MIER3: variants seen among roughly 807,000 people sequenced by gnomAD.
MIER3 encodes the protein mesoderm induction early response protein 3.
Under a neutral mutation model 63.2 loss-of-function variants are expected in MIER3, and 9 were observed. That is an observed-to-expected ratio of 0.14 (90% CI 0.09 to 0.25). The LOEUF (loss-of-function observed/expected upper bound fraction) is 0.25, where lower values mean the gene tolerates loss of function less well. Among genes scored for constraint, MIER3 ranks in the 10% least tolerant of loss-of-function variants. MIER3 has a pLI of 1.00. For missense variants in MIER3, 512 were observed against 666.2 expected (o/e 0.77, Z 2.55); for synonymous variants, 205 against 224.9 (o/e 0.91, Z 0.79).
At chr5:56,932,518 G>T (rs1750304138) in intron 8 of MIER3, among the ~76,000 whole-genome samples, 1 of 152,126 alleles carries the variant, frequency 6.6e-6, no homozygotes, top group Admixed American at 6.6e-5. Flanking sequence ...ATTCAAGTTT[G>T]TGTCTGCCTA....
chr5:56,944,828 G>A (rs923009479), intron 3 of MIER3, among the ~76,000 whole-genome samples: 3 of 151,950 alleles, frequency 2.0e-5, no homozygotes, highest in Non-Finnish European at 4.4e-5. Context: ...CCAAGTAGCT[G>A]GGGCTACTAG....
intron 3 of MIER3, among the ~76,000 whole-genome samples, chr5:56,942,646 T>C (rs1205933028): frequency 6.6e-6 from 1 of 151,964 alleles, no homozygotes; most frequent in African/African-American, 2.4e-5. Flanking sequence ...CCCTGGAGAA[T>C]GTTAATTAAA....
intron 10 of MIER3, among the ~76,000 whole-genome samples, chr5:56,926,891 A>C (rs1029065478): frequency 6.6e-6 from 1 of 152,192 alleles, no homozygotes; most frequent in Non-Finnish European, 1.5e-5. Flanking sequence ...GTGATAAAAA[A>C]AAGAATGAGC....
chr5:56,950,721 G>A, intron 1 of MIER3, 69 bp from the exon 2 acceptor site: 1 of 1,576,378 alleles, frequency 6.3e-7, no homozygotes, highest in Non-Finnish European at 8.7e-7. Context: ...CCGGCAACAG[G>A]GCGCAGAGGA....
At position 56,938,870 on chromosome 5, in the gene MIER3, TG is replaced by T. The variant is rs1283904408; in HGVS notation, c.315+12del. On this transcript the variant is annotated intron_variant, in intron 4 of 12. Coordinates refer to ENST00000381199, the MANE Select transcript of MIER3 (RefSeq NM_001297599.2). The stretch of plus-strand genomic sequence containing the variant: ...ACAGACCCTGAATTTTTCTTTCAAA[TG>T]CTCACACTTACTTTGTCTAGTGTCA... The T allele has an allele frequency of 6.2e-7, 1 of 1,607,902 alleles. No individual in the cohort carries two copies. Among genetic ancestry groups the T allele is most frequent in the Non-Finnish European group, 8.5e-7 (1 of 1,175,664 alleles).
chr5:56,923,391 C>G lies in MIER3; in HGVS notation c.1390G>C (p.Glu464Gln). Reference sequence around the variant, plus strand: ...CTGCACATGTTCATAGGGTTTAGCTCCGAGTGATAAAATCCAGTCTCAAAT... The same window carrying G: ...CTGCACATGTTCATAGGGTTTAGCTGCGAGTGATAAAATCCAGTCTCAAAT... ...NLFETGFYHSELNPMNMCSEE... is the reference protein window; with the variant it reads ...NLFETGFYHSQLNPMNMCSEE... The change falls in exon 13 of 13, where the codon GAG becomes CAG. Residue 464 changes from glutamate to glutamine, a missense_variant. Transcript: ENST00000381199. The G allele has an allele frequency of 6.2e-7, 1 of 1,614,158 alleles. No homozygotes were observed. The highest frequency in any genetic ancestry group is 8.5e-7 in the Non-Finnish European group (1 of 1,180,022).
In MIER3 at chr5:56,923,879, AAAGT is replaced by A. The variant is rs772542827; in HGVS notation, c.1052+32_1052+35del. 3.2e-5 allele frequency: 52 copies of A among 1,614,050 alleles called. 1 individual carries two copies. In the South Asian group the frequency reaches 5.5e-4, roughly 17 times the overall value. On this transcript the variant is annotated intron_variant, in intron 11 of 12. Coordinates refer to ENST00000381199, the MANE Select transcript of MIER3 (RefSeq NM_001297599.2). ...ATTTTATGACTATATATTACAGTTAAAAGTAAGTCTTTGAAGGCAAGGCCACAGT... is the reference window on the plus strand; with the variant it reads ...ATTTTATGACTATATATTACAGTTAAAAGTCTTTGAAGGCAAGGCCACAGT...
In MIER3 at chr5:56,938,968, G is replaced by A; in HGVS notation, c.230C>T (p.Pro77Leu). 6.2e-7 allele frequency: 1 copy of A among 1,614,114 alleles called. No homozygotes were observed. The highest frequency in any genetic ancestry group is 1.1e-5 in the South Asian group (1 of 91,082). ...EDLLAFYGYEPTIPAVANSSA... is the reference protein window; with the variant it reads ...EDLLAFYGYELTIPAVANSSA... ...GGAATTTGCAACTGCTGGAATTGTA[G>A]GTTCATAGCCATAGAATGCCAGTAA... The change falls in exon 4 of 13, where the codon CCT becomes CTT. Residue 77 changes from proline to leucine, a missense_variant. Physicochemically the swap from Pro to Leu is moderately conservative, Grantham distance 98. This residue lies in a region of MIER3 where 98 missense variants were observed against 107.4 expected (regional missense o/e 0.91). Transcript: ENST00000381199.
intron 10 of MIER3, among the ~76,000 whole-genome samples, chr5:56,927,506 A>G (rs561963824): frequency 1.2e-4 from 18 of 152,310 alleles, no homozygotes; most frequent in African/African-American, 3.6e-4. Context: ...GGAAATAAAC[A>G]GAGCATATTT....
chr5:56,941,516 A>C (rs1443336502), intron 3 of MIER3: 2 of 148,468 alleles, frequency 1.3e-5, no homozygotes, highest in African/African-American at 2.5e-5. Context: ...TATTCCAGGC[A>C]AAAAAAAAAG....
intron 1 of MIER3, among the ~76,000 whole-genome samples, chr5:56,951,804 G>A (rs1224490673): frequency 6.6e-6 from 1 of 151,688 alleles, no homozygotes. Context: ...TCGTCCCTGG[G>A]GCAGGGCTCA....
chr5:56,947,869 T>C (rs1287562455), intron 2 of MIER3, among the ~76,000 whole-genome samples: 2 of 152,174 alleles, frequency 1.3e-5, no homozygotes, highest in Non-Finnish European at 1.5e-5. Flanking sequence ...ATGAAGTCAA[T>C]AGGAAACTCC....
rs1749671253 is a variant in MIER3 at position 56,921,491 on chromosome 5, A to G, written c.*1637T>C. 1 of 152,632 alleles carries G rather than the reference A, an allele frequency of 6.6e-6. No individual in the cohort carries two copies. 9.5% of individuals were successfully genotyped at this position (152,632 alleles called of 1,614,324 possible). On this transcript the variant is annotated 3_prime_UTR_variant, in exon 13 of 13. Transcript: ENST00000381199. ...ACTTTTTGTCCACTGTGCTAAACTA[A>G]ATTTTATACTAATGTGCTACTGCGT... is the stretch of plus-strand genomic sequence containing the variant.
At chr5:56,942,050 G>C (rs987820005) in intron 3 of MIER3, among the ~76,000 whole-genome samples, 1 of 151,856 alleles carries the variant, frequency 6.6e-6, no homozygotes, top group East Asian at 1.9e-4. Flanking sequence ...GTTCTGCAAA[G>C]GACACAGTTA....
At chr5:56,946,104 T>C (rs1750815801) in intron 3 of MIER3, among the ~76,000 whole-genome samples, 2 of 152,122 alleles carry the variant, frequency 1.3e-5, no homozygotes, top group Non-Finnish European at 2.9e-5. Context: ...GGAAATAAAA[T>C]AATACTCCAC....
At chr5:56,945,640 ACTTAC>A (rs903964929) in intron 3 of MIER3, among the ~76,000 whole-genome samples, 3 of 152,192 alleles carry the variant, frequency 2.0e-5, no homozygotes, top group Non-Finnish European at 2.9e-5. Context: ...TTGCTTTAGT[ACTTAC>A]CTTATTTTCC....
Position 56,924,628 on chromosome 5 carries a change from C to T in MIER3, c.925-586G>A, listed in dbSNP as rs567566843. Among the ~76,000 whole-genome samples the T allele has an allele frequency of 3.9e-5, 6 of 152,312 alleles. No individual in the cohort carries two copies. The East Asian group carries it at 1.2e-3, about 29-fold the overall frequency. ...GCTAGCTAAAGGCAGGGCTTTCTCCCTCCAGTATGTTTGGTTTTTAGATCC... is the reference window on the plus strand; with the variant it reads ...GCTAGCTAAAGGCAGGGCTTTCTCCTTCCAGTATGTTTGGTTTTTAGATCC... On this transcript the variant is annotated intron_variant, in intron 10 of 12. Coordinates refer to ENST00000381199, the MANE Select transcript of MIER3 (RefSeq NM_001297599.2).
chr5:56,933,110 A>T, intron 8 of MIER3, 137 bp downstream of exon 8: 1 of 893,656 alleles, frequency 1.1e-6, no homozygotes, highest in Non-Finnish European at 1.6e-6. Flanking sequence ...ATGGTTTTTT[A>T]AACCAGTATT....
At position 56,922,374 on chromosome 5, in the gene MIER3, G is replaced by A. The variant is rs1252400262; in HGVS notation, c.*754C>T. The A allele has an allele frequency of 6.6e-6, 1 of 152,498 alleles. No individual in the cohort carries two copies. The highest frequency in any genetic ancestry group is 2.4e-5 in the African/African-American group (1 of 41,444). 9.4% of individuals were successfully genotyped at this position (152,498 alleles called of 1,614,324 possible). ...TGTAGCCAATAAATGAAGTTACACA[G>A]AAATCTCCTGGCAGTAACATGACCA... On this transcript the variant is annotated 3_prime_UTR_variant, in exon 13 of 13. Transcript: ENST00000381199.
Sources: gnomAD v4.1 joint callset for allele counts (sites outside exome capture counted in the v4.1 genomes callset) on GRCh38, gnomAD v4.1.1 for gene constraint, gnomAD v4.1.1 regional missense constraint, MANE v1.5 for transcripts, NCBI Gene and HGNC (gene_info 2026-07-23, HGNC 2026-07-21) for gene names.